Variants in MRTFB observed in about 807,000 individuals in gnomAD.
The protein encoded by MRTFB is myocardin-related transcription factor B.
Under a neutral mutation model 104.2 loss-of-function variants are expected in MRTFB, and 29 were observed. That is an observed-to-expected ratio of 0.28 (90% confidence interval 0.21 to 0.38). The LOEUF (loss-of-function observed/expected upper bound fraction) is 0.38, where lower values mean the gene tolerates loss of function less well. MRTFB is among the 10% of genes least tolerant of loss of function. MRTFB has a pLI of 1.00. For missense variants in MRTFB, 1,270 were observed against 1,341.6 expected, an observed-to-expected ratio of 0.95 and a Z score of 0.83; for synonymous variants, 535 against 519.5, an observed-to-expected ratio of 1.03 and a Z score of -0.41.
intron 16 of MRTFB, among the ~76,000 whole-genome samples, chr16:14,260,115 G>C (rs2043702070): frequency 6.6e-6 from 1 of 152,108 alleles, no homozygotes; most frequent in African/African-American, 2.4e-5. Context: ...GCCTGATCTG[G>C]CAAGGAATAA....
At chr16:14,249,203 C>A in intron 13 of MRTFB, 122 bp downstream of exon 13, 1 of 1,197,396 alleles carries the variant, frequency 8.4e-7, no homozygotes, top group South Asian at 1.6e-5. Context: ...TGTGATCCAT[C>A]TCCCATAGAA....
chr16:14,028,361 C>G, the MRTFB span, among the ~76,000 whole-genome samples: 2 of 152,142 alleles, frequency 1.3e-5, no homozygotes, highest in African/African-American at 2.4e-5. Flanking sequence ...TGGCCTTAGG[C>G]TCCTGGATGG....
chr16:14,041,437 T>A, the MRTFB span, among the ~76,000 whole-genome samples: 1 of 152,224 alleles, frequency 6.6e-6, no homozygotes, highest in East Asian at 1.9e-4. Context: ...TCATACAGTA[T>A]TTGTCTTTTT....
Position 14,260,889 on chromosome 16 carries a change from A to G in MRTFB, c.2765-20A>G, listed in dbSNP as rs2043747071. 6.4e-7 allele frequency: 1 copy of G among 1,563,050 alleles called. No individual in the cohort carries two copies. The highest frequency in any genetic ancestry group is 2.0e-5 in the Admixed American group (1 of 49,466). On this transcript the variant is annotated intron_variant, in intron 16 of 16. Coordinates refer to ENST00000571589, the MANE Select transcript of MRTFB (RefSeq NM_001308142.2). ...AGTAGTAAATCTTCAGTTACTAATT[A>G]CTTCATTTATTTTACACAGAGATCT...
chr16:14,184,072 TAAAAAAAAA>T lies in MRTFB; in HGVS notation c.155-26157_155-26149del, dbSNP rs71757134. On this transcript the variant is annotated intron_variant, in intron 3 of 16. Coordinates refer to ENST00000571589, the MANE Select transcript of MRTFB (RefSeq NM_001308142.2). ...GATTTAAAAGCAACATCCTGAAATT[TAAAAAAAAA>T]AAAAAAAAAAAAAGTTGGCATTTAT... Among the ~76,000 whole-genome samples the T allele has an allele frequency of 5.1e-4, 62 of 121,770 alleles. 1 individual carries two copies. The highest frequency in any genetic ancestry group is 1.6e-3 in the African/African-American group (51 of 31,572). The allele number at this position is 121,770 out of a possible 152,430, so 79.9% of individuals were successfully genotyped here.
intron 2 of MRTFB, among the ~76,000 whole-genome samples, chr16:14,093,258 A>G (rs1250649331): frequency 6.7e-6 from 1 of 148,450 alleles, no homozygotes; most frequent in Non-Finnish European, 1.5e-5. Context: ...TTTTTTTTTT[A>G]CAAATTAAAG....
intron 2 of MRTFB, among the ~76,000 whole-genome samples, chr16:14,080,216 A>C (rs1193488469): frequency 6.6e-6 from 1 of 152,224 alleles, no homozygotes; most frequent in Non-Finnish European, 1.5e-5. Flanking sequence ...AAATGTTGAG[A>C]CATGGCTTAC....
At chr16:14,200,527 C>A (rs1305714551) in intron 3 of MRTFB, 2 of 1,609,424 alleles carry the variant, frequency 1.2e-6, no homozygotes, top group South Asian at 2.2e-5. Context: ...GTGAATTGCT[C>A]AGCAGCAGCT....
chr16:14,006,010 C>A, the MRTFB span, among the ~76,000 whole-genome samples: 14 of 151,856 alleles, frequency 9.2e-5, no homozygotes, highest in Middle Eastern at 6.8e-3. Flanking sequence ...GAGTTGGAGA[C>A]CATCCTGGCC....
chr16:14,059,965 A>G, the MRTFB span, among the ~76,000 whole-genome samples: 1 of 150,772 alleles, frequency 6.6e-6, no homozygotes, highest in African/African-American at 2.5e-5. Context: ...CTCAACTTCA[A>G]TATTCATATC....
At chr16:14,053,599 C>T in the MRTFB span, among the ~76,000 whole-genome samples, 13 of 151,892 alleles carry the variant, frequency 8.6e-5, no homozygotes, top group Middle Eastern at 3.4e-3. Flanking sequence ...GGCGTGGTGG[C>T]GGGCACCTGT....
chr16:14,206,169 T>C (rs1247614430), intron 3 of MRTFB, among the ~76,000 whole-genome samples: 1 of 152,192 alleles, frequency 6.6e-6, no homozygotes, highest in African/African-American at 2.4e-5. Context: ...TGATAAAGCA[T>C]TCCTGATCCC....
At chr16:14,058,281 G>C in the MRTFB span, among the ~76,000 whole-genome samples, 176 of 152,314 alleles carry the variant, frequency 1.2e-3, 1 homozygote, top group Non-Finnish European at 1.9e-3. Flanking sequence ...AAGTCACTTA[G>C]GGTTGGCGGG....
chr16:14,181,115 A>T (rs1247858724), intron 3 of MRTFB, among the ~76,000 whole-genome samples: 2 of 152,196 alleles, frequency 1.3e-5, no homozygotes, highest in East Asian at 3.8e-4. Context: ...TATATATTTT[A>T]AAAGTGATAA....
chr16:14,245,413 C>A, intron 10 of MRTFB, 115 bp from the exon 11 acceptor site: 2 of 843,844 alleles, frequency 2.4e-6, no homozygotes, highest in Non-Finnish European at 1.8e-6. Context: ...ATTCAGCCTT[C>A]CAATCCATAA....
chr16:14,104,098 C>T lies in MRTFB; in HGVS notation c.-64+24744C>T, dbSNP rs1596844153. 2.6e-5 allele frequency among the ~76,000 whole-genome samples: 4 copies of T among 152,214 alleles called. No homozygotes were observed. In the South Asian group the frequency reaches 8.3e-4, roughly 32 times the overall value. On this transcript the variant is annotated intron_variant, in intron 2 of 16. Transcript: ENST00000571589. ...TTTCTTTTCAGAGGGTGCTCTTAAC[C>T]AGAGTGAAAAAACTTATAAAAATTA...
At chr16:14,226,145 G>T (rs989812692) in intron 8 of MRTFB, among the ~76,000 whole-genome samples, 1 of 152,182 alleles carries the variant, frequency 6.6e-6, no homozygotes, top group African/African-American at 2.4e-5. Flanking sequence ...TAATATGTCA[G>T]TGCTACCCCA....
At chr16:14,203,619 T>C (rs1310195425) in intron 3 of MRTFB, among the ~76,000 whole-genome samples, 3 of 151,720 alleles carry the variant, frequency 2.0e-5, no homozygotes, top group African/African-American at 7.3e-5. Context: ...CTGGTCAACA[T>C]AGGAAAACCC....
At chr16:14,259,168 C>T (rs961141029) in intron 16 of MRTFB, among the ~76,000 whole-genome samples, 1 of 152,194 alleles carries the variant, frequency 6.6e-6, no homozygotes, top group African/African-American at 2.4e-5. Context: ...ACCCCCGTGG[C>T]TTATGCCTAT....
Sources: allele counts gnomAD v4.1 joint callset (sites outside exome capture counted in the v4.1 genomes callset), GRCh38; gene constraint gnomAD v4.1.1; transcripts MANE v1.5; gene names NCBI Gene and HGNC (gene_info 2026-07-23, HGNC 2026-07-21).